The following ELAVL4 variants were observed in gnomAD, a reference collection of about 807,000 sequenced individuals.
ELAVL4 encodes ELAV like RNA binding protein 4, also known as ELAV-like protein 4.
ELAVL4 carries 1 observed loss-of-function variant against 35.6 expected under a neutral mutation model. That is an observed-to-expected ratio of 0.03 (90% CI 0.01 to 0.13). The LOEUF (loss-of-function observed/expected upper bound fraction) is 0.13, where lower values mean the gene tolerates loss of function less well. Among genes scored for constraint, ELAVL4 ranks in the 10% least tolerant of loss-of-function variants. The pLI, the probability that ELAVL4 is intolerant of heterozygous loss-of-function variation, is 1.00. For missense variants in ELAVL4, 267 were observed against 464.9 expected, an observed-to-expected ratio of 0.57 and a Z score of 3.91; for synonymous variants, 156 against 171.0, an observed-to-expected ratio of 0.91 and a Z score of 0.69.
At chr1:50,191,561 G>T (rs1682662816) in intron 3 of ELAVL4, among the ~76,000 whole-genome samples, 1 of 152,054 alleles carries the variant, frequency 6.6e-6, no homozygotes. Flanking sequence ...TCACAGAGTT[G>T]AATAGGACAC....
chr1:50,088,528 T>C (rs1665349275), intron 1 of ELAVL4, among the ~76,000 whole-genome samples: 1 of 152,196 alleles, frequency 6.6e-6, no homozygotes, highest in South Asian at 2.1e-4. Context: ...CTTGAACTGA[T>C]GGATTCAGCT....
chr1:50,169,320 A>G (rs1289525225), intron 2 of ELAVL4, among the ~76,000 whole-genome samples: 1 of 152,108 alleles, frequency 6.6e-6, no homozygotes, highest in Non-Finnish European at 1.5e-5. Flanking sequence ...ACCTTCCCAG[A>G]CACACCCAGG....
At chr1:50,190,569 T>G (rs1682517397) in intron 3 of ELAVL4, among the ~76,000 whole-genome samples, 1 of 152,234 alleles carries the variant, frequency 6.6e-6, no homozygotes, top group African/African-American at 2.4e-5. Context: ...AGAGAATGAT[T>G]GATGTGCTGT....
At chr1:50,144,546 T>C in intron 1 of ELAVL4, 1 of 484,644 alleles carries the variant, frequency 2.1e-6, no homozygotes, top group Non-Finnish European at 4.1e-6. Flanking sequence ...TATTTGATCT[T>C]GTGAGTGTAG....
intron 2 of ELAVL4, among the ~76,000 whole-genome samples, chr1:50,158,419 G>A (rs1676136657): frequency 6.6e-6 from 1 of 151,650 alleles, no homozygotes; most frequent in African/African-American, 2.4e-5. Flanking sequence ...TTGTGTGTGT[G>A]TGTGTCTGCA....
chr1:50,203,406 A>G lies in ELAVL4; in HGVS notation c.*2228A>G, dbSNP rs1644460062. On this transcript the variant is annotated 3_prime_UTR_variant, in exon 7 of 7. Transcript: ENST00000371824. The stretch of plus-strand genomic sequence containing the variant: ...TTTTTTTTCCTCTTTTCGGTTTTGG[A>G]TATAACACCAGATTTCAGTTCAGAG... 6.6e-6 allele frequency: 1 copy of G among 151,678 alleles called. No individual in the cohort carries two copies. The allele number at this position is 151,678 out of a possible 1,614,324, so 9.4% of individuals were successfully genotyped here. A position where few individuals can be genotyped will look rare whatever the true frequency, so the allele number is the denominator to read the frequency against.
rs535530940 is a variant in ELAVL4 at position 50,069,440 on chromosome 1, T to C, written c.18+21258T>C. 2.6e-5 allele frequency among the ~76,000 whole-genome samples: 4 copies of C among 152,338 alleles called. No individual in the cohort carries two copies. The East Asian group carries it at 7.7e-4, about 29-fold the overall frequency. On this transcript the variant is annotated intron_variant, in intron 1 of 6. Coordinates refer to the ELAVL4 transcript ENST00000448907. ...CTGTTTTTTAAACCAGAAGCTCCAT[T>C]GTCCAACACTAGACATGGGTGCCTG...
intron 1 of ELAVL4, among the ~76,000 whole-genome samples, chr1:50,113,419 G>T (rs1054029548): frequency 6.6e-6 from 1 of 152,016 alleles, no homozygotes; most frequent in East Asian, 1.9e-4. Flanking sequence ...GTAAGAAATG[G>T]TTGTCTTCAT....
At chr1:50,107,880 A>G (rs1434585624), upstream of ELAVL4, among the ~76,000 whole-genome samples, 1 of 152,220 alleles carries the variant, frequency 6.6e-6, no homozygotes, top group Non-Finnish European at 1.5e-5. Context: ...AAATAGGCAG[A>G]CAAACTGTAT....
chr1:50,163,480 A>T (rs887983953), intron 2 of ELAVL4, among the ~76,000 whole-genome samples: 1 of 152,170 alleles, frequency 6.6e-6, no homozygotes, highest in African/African-American at 2.4e-5. Context: ...ATACTTTGGG[A>T]TATATATTGG....
At chr1:50,119,448 G>A (rs1668655460) in intron 1 of ELAVL4, among the ~76,000 whole-genome samples, 1 of 152,062 alleles carries the variant, frequency 6.6e-6, no homozygotes, top group Non-Finnish European at 1.5e-5. Flanking sequence ...GATATTCTTA[G>A]GACCTTCTTG....
At chr1:50,099,587 AAAAG>A (rs944105873), upstream of ELAVL4, among the ~76,000 whole-genome samples, 3 of 151,994 alleles carry the variant, frequency 2.0e-5, no homozygotes, top group Non-Finnish European at 4.4e-5. Flanking sequence ...AAAAGAAAGA[AAAAG>A]AAAGAAAGTA....
intron 3 of ELAVL4, among the ~76,000 whole-genome samples, chr1:50,189,038 AG>A (rs1362231865): frequency 1.3e-5 from 2 of 152,310 alleles, no homozygotes; most frequent in African/African-American, 4.8e-5. Flanking sequence ...ATGTTTAGGA[AG>A]GGGAGGAATG....
chr1:50,135,603 A>G (rs1485816655), intron 1 of ELAVL4, among the ~76,000 whole-genome samples: 1 of 152,192 alleles, frequency 6.6e-6, no homozygotes, highest in Non-Finnish European at 1.5e-5. Context: ...ATTGCATTCA[A>G]TAAACTTGTG....
intron 1 of ELAVL4, chr1:50,141,995 A>G (rs1177621369): frequency 6.6e-6 from 1 of 152,204 alleles, no homozygotes; most frequent in African/African-American, 2.4e-5. Flanking sequence ...ACACTCACCT[A>G]CGTGGGGCAT....
In ELAVL4 at chr1:50,144,950, T is replaced by A. The variant is rs1224083250; in HGVS notation, c.10-7T>A. 6.2e-7 allele frequency: 1 copy of A among 1,603,452 alleles called. No homozygotes were observed. Among genetic ancestry groups the A allele is most frequent in the African/African-American group, 1.4e-5 (1 of 74,048 alleles). On this transcript the variant is annotated splice_polypyrimidine_tract_variant and splice_region_variant and intron_variant, in intron 1 of 6. Transcript: ENST00000371824. ...AGGCTTTTTCAATTGTTTTTATTTT[T>A]ATTTAGATAATTAGCACCATGGAGC...
chr1:50,148,382 A>T (rs1050039677), intron 2 of ELAVL4, among the ~76,000 whole-genome samples: 1 of 152,184 alleles, frequency 6.6e-6, no homozygotes, highest in Non-Finnish European at 1.5e-5. Context: ...AACAAGACTC[A>T]TGTGTATAAA....
chr1:50,191,636 G>A (rs1441980546), intron 3 of ELAVL4, among the ~76,000 whole-genome samples: 6 of 152,156 alleles, frequency 3.9e-5, no homozygotes, highest in African/African-American at 1.4e-4. Flanking sequence ...GTCAGTTAAG[G>A]TTGAAACGGG....
intron 1 of ELAVL4, among the ~76,000 whole-genome samples, chr1:50,121,633 A>C (rs531074147): frequency 1.3e-5 from 2 of 152,182 alleles, no homozygotes; most frequent in African/African-American, 4.8e-5. Flanking sequence ...TCTAGATAAT[A>C]GTGAGCTCTG....
Sources: gnomAD v4.1 joint callset for allele counts (sites outside exome capture counted in the v4.1 genomes callset) on GRCh38, gnomAD v4.1.1 for gene constraint, MANE v1.5 for transcripts, NCBI Gene and HGNC (gene_info 2026-07-23, HGNC 2026-07-21) for gene names.